Variants in CHCHD3 observed in about 807,000 individuals in gnomAD.
The protein encoded by CHCHD3 is MICOS complex subunit MIC19.
CHCHD3 carries 20 observed loss-of-function variants against 38.2 expected under a neutral mutation model. The ratio of observed to expected loss-of-function variants is 0.52; its 90% CI spans 0.37 to 0.76. The LOEUF (loss-of-function observed/expected upper bound fraction) is 0.76. Ranked by LOEUF, CHCHD3 falls within the 30% of genes least tolerant of loss-of-function variation. CHCHD3 has a pLI of 0.00. For missense variants in CHCHD3, 245 were observed against 279.2 expected (o/e 0.88, Z 0.87); for synonymous variants, 82 against 100.0 (o/e 0.82, Z 1.07).
At chr7:132,915,565 T>C (rs1366412850) in intron 4 of CHCHD3, among the ~76,000 whole-genome samples, 1 of 152,214 alleles carries the variant, frequency 6.6e-6, no homozygotes, top group Non-Finnish European at 1.5e-5. Flanking sequence ...GCCTCACTCT[T>C]TGTTCTTGCA....
At chr7:132,867,993 T>A (rs1808673186) in intron 5 of CHCHD3, among the ~76,000 whole-genome samples, 2 of 152,200 alleles carry the variant, frequency 1.3e-5, no homozygotes, top group South Asian at 4.1e-4. Context: ...CCTTTATCTT[T>A]ACACTGTAGC....
intron 4 of CHCHD3, among the ~76,000 whole-genome samples, chr7:132,938,191 T>C (rs1352942378): frequency 6.6e-6 from 1 of 152,188 alleles, no homozygotes; most frequent in East Asian, 1.9e-4. Flanking sequence ...TACAAGGCAC[T>C]TTCATCTACA....
chr7:133,078,428 C>G (rs1318316955), intron 1 of CHCHD3, among the ~76,000 whole-genome samples: 1 of 152,084 alleles, frequency 6.6e-6, no homozygotes, highest in Non-Finnish European at 1.5e-5. Flanking sequence ...TGCCCGTAGT[C>G]CCAGAGGCTG....
intron 1 of CHCHD3, among the ~76,000 whole-genome samples, chr7:133,071,213 G>A (rs1248894211): frequency 6.6e-6 from 1 of 152,138 alleles, no homozygotes; most frequent in East Asian, 1.9e-4. Context: ...CCTTTCACTA[G>A]AAAGAAAGCT....
chr7:132,879,190 AT>A (rs1322310064), intron 5 of CHCHD3, among the ~76,000 whole-genome samples: 1 of 152,210 alleles, frequency 6.6e-6, no homozygotes, highest in Non-Finnish European at 1.5e-5. Context: ...ATAGAATAAT[AT>A]TTTAAGTGGC....
rs527509932 is a variant in CHCHD3, at chr7:132,889,127, C to A, written c.370-3382G>T. Among the ~76,000 whole-genome samples, 3 of 151,968 alleles carry A rather than the reference C, an allele frequency of 2.0e-5. No homozygotes were observed. In the East Asian group the frequency reaches 5.8e-4, roughly 29 times the overall value. On this transcript the variant is annotated intron_variant, in intron 4 of 7. Transcript: ENST00000262570. ...CACTGAGGGCATCTAAAAGAGTGAA[C>A]CTATTAAATAATTATATTAACAATT...
At chr7:133,028,001 C>T (rs1299826893) in intron 2 of CHCHD3, among the ~76,000 whole-genome samples, 1 of 152,164 alleles carries the variant, frequency 6.6e-6, no homozygotes, top group East Asian at 1.9e-4. Context: ...CTATAGACTT[C>T]ACAAGGTAAT....
chr7:133,078,476 G>C (rs1815066976), intron 1 of CHCHD3, among the ~76,000 whole-genome samples: 1 of 152,132 alleles, frequency 6.6e-6, no homozygotes, highest in South Asian at 2.1e-4. Context: ...GTTGAGACCA[G>C]CTTGGGCAAC....
At chr7:133,017,307 TCTG>T (rs1813056885) in intron 3 of CHCHD3, among the ~76,000 whole-genome samples, 1 of 152,202 alleles carries the variant, frequency 6.6e-6, no homozygotes, top group African/African-American at 2.4e-5. Flanking sequence ...CTAATCTAGT[TCTG>T]CTAACTGAAA....
chr7:133,020,754 T>C (rs1450453134), intron 3 of CHCHD3, among the ~76,000 whole-genome samples: 1 of 152,172 alleles, frequency 6.6e-6, no homozygotes, highest in Non-Finnish European at 1.5e-5. Context: ...TTTTAAGGAA[T>C]GTTGTGTCAC....
chr7:132,912,582 T>TCTCA (rs1809978457), intron 4 of CHCHD3, among the ~76,000 whole-genome samples: 1 of 152,162 alleles, frequency 6.6e-6, no homozygotes, highest in African/African-American at 2.4e-5. Flanking sequence ...TGAGACAAAG[T>TCTCA]CTCACTCTGT....
intron 7 of CHCHD3, among the ~76,000 whole-genome samples, chr7:132,789,497 C>T (rs975314181): frequency 1.3e-5 from 2 of 152,138 alleles, no homozygotes; most frequent in Non-Finnish European, 2.9e-5. Context: ...CCTGAGATTG[C>T]GTGTCATTTC....
intron 2 of CHCHD3, among the ~76,000 whole-genome samples, chr7:133,049,892 T>C (rs1472598666): frequency 6.6e-6 from 1 of 152,250 alleles, no homozygotes; most frequent in Non-Finnish European, 1.5e-5. Context: ...AAGTCCTTTT[T>C]ACAGCTAGTG....
At chr7:132,987,116 C>T (rs1767998531) in intron 3 of CHCHD3, among the ~76,000 whole-genome samples, 2 of 152,270 alleles carry the variant, frequency 1.3e-5, no homozygotes, top group South Asian at 2.1e-4. Context: ...ATATTGAACA[C>T]ATCAAAGTGG....
chr7:132,872,651 C>A (rs896610004), intron 5 of CHCHD3, among the ~76,000 whole-genome samples: 4 of 152,194 alleles, frequency 2.6e-5, no homozygotes, highest in African/African-American at 9.7e-5. Flanking sequence ...TTCAACTTCT[C>A]TTTAAACAAG....
intron 5 of CHCHD3, among the ~76,000 whole-genome samples, chr7:132,839,439 A>G (rs1261992428): frequency 6.6e-6 from 1 of 152,142 alleles, no homozygotes; most frequent in Non-Finnish European, 1.5e-5. Context: ...CTACACTGAA[A>G]CTGGTCTTAT....
intron 4 of CHCHD3, among the ~76,000 whole-genome samples, chr7:132,902,420 AATGT>A (rs1192140387): frequency 2.6e-5 from 4 of 152,220 alleles, no homozygotes; most frequent in African/African-American, 9.6e-5. Flanking sequence ...AACCAACCCA[AATGT>A]CCATCAATGA....
chr7:132,802,177 T>C (rs2117037738), intron 6 of CHCHD3, among the ~76,000 whole-genome samples: 2 of 152,200 alleles, frequency 1.3e-5, no homozygotes, highest in Middle Eastern at 6.8e-3. Context: ...TCAATAATAT[T>C]GGGTCCTTGG....
chr7:132,845,208 C>G (rs192574335), intron 5 of CHCHD3: 1 of 152,054 alleles, frequency 6.6e-6, no homozygotes, highest in African/African-American at 2.4e-5. Flanking sequence ...ACAATGATTA[C>G]CTAATAGGAT....
Sources: allele counts gnomAD v4.1 joint callset (sites outside exome capture counted in the v4.1 genomes callset), GRCh38; gene constraint gnomAD v4.1.1; transcripts MANE v1.5; gene names NCBI Gene and HGNC (gene_info 2026-07-23, HGNC 2026-07-21).